Variants in MACROD2 observed in about 807,000 individuals in gnomAD.
MACROD2 encodes mono-ADP ribosylhydrolase 2.
Under a neutral mutation model 70.4 loss-of-function variants are expected in MACROD2, and 36 were observed. The ratio of observed to expected loss-of-function variants is 0.51; its 90% CI spans 0.39 to 0.68. The LOEUF is 0.68. MACROD2 is among the 30% of genes least tolerant of loss of function. The pLI is 0.00. For synonymous variants in MACROD2, 172 were observed against 178.8 expected, an observed-to-expected ratio of 0.96 and a Z score of 0.30; for missense variants, 496 against 538.4, an observed-to-expected ratio of 0.92 and a Z score of 0.78.
chr20:14,982,770 G>A (rs1029025679), intron 5 of MACROD2, among the ~76,000 whole-genome samples: 2 of 152,176 alleles, frequency 1.3e-5, no homozygotes, highest in African/African-American at 4.8e-5. Context: ...TAGGGGTGGG[G>A]TCCTCACAGA....
Position 14,387,689 on chromosome 20 carries a change from A to G in MACROD2, c.272-105790A>G, listed in dbSNP as rs192718236. ...CAAGCCATACCAAGTACATGGTCTT[A>G]TCTCCCTATGGCTGCCAGCTTGGAG... On this transcript the variant is annotated intron_variant, in intron 3 of 17. Transcript: ENST00000684519. Among the ~76,000 whole-genome samples, 3 of 152,344 alleles carry G rather than the reference A, an allele frequency of 2.0e-5. No individual in the cohort carries two copies. In the East Asian group the frequency reaches 5.8e-4, roughly 29 times the overall value.
At chr20:14,508,056 G>C (rs2084988855) in intron 4 of MACROD2, among the ~76,000 whole-genome samples, 1 of 152,108 alleles carries the variant, frequency 6.6e-6, no homozygotes. Context: ...GAAGTGATTT[G>C]AAAGGCTTTC....
chr20:14,277,109 A>G (rs747915621), intron 3 of MACROD2, among the ~76,000 whole-genome samples: 4 of 152,118 alleles, frequency 2.6e-5, no homozygotes, highest in African/African-American at 9.7e-5. Context: ...TGAGATCAGC[A>G]TGACTGACAT....
intron 5 of MACROD2, among the ~76,000 whole-genome samples, chr20:14,858,047 C>A (rs893353644): frequency 3.3e-5 from 5 of 152,136 alleles, no homozygotes; most frequent in African/African-American, 1.2e-4. Flanking sequence ...TCTCATACTC[C>A]TGATCTCAGG....
chr20:14,477,620 T>A (rs2084612269), intron 3 of MACROD2, among the ~76,000 whole-genome samples: 1 of 152,168 alleles, frequency 6.6e-6, no homozygotes, highest in African/African-American at 2.4e-5. Flanking sequence ...TTTATACTGT[T>A]TCATTTAAAA....
intron 3 of MACROD2, among the ~76,000 whole-genome samples, chr20:14,381,579 A>G: frequency 6.6e-6 from 1 of 152,196 alleles, no homozygotes; most frequent in Non-Finnish European, 1.5e-5. Context: ...TTTTACTAAC[A>G]TTATTTATCA....
At chr20:15,953,558 A>G (rs917128608) in intron 12 of MACROD2, among the ~76,000 whole-genome samples, 1 of 152,202 alleles carries the variant, frequency 6.6e-6, no homozygotes, top group Non-Finnish European at 1.5e-5. Context: ...GGAAACACGC[A>G]TACACATAAG....
intron 2 of MACROD2, among the ~76,000 whole-genome samples, chr20:14,008,446 C>T (rs560860885): frequency 6.6e-6 from 1 of 152,246 alleles, no homozygotes; most frequent in East Asian, 1.9e-4. Flanking sequence ...AGGAGACCTA[C>T]AAACCACTGC....
intron 5 of MACROD2, among the ~76,000 whole-genome samples, chr20:14,978,891 A>G (rs935335251): frequency 5.7e-4 from 2 of 3,524 alleles, no homozygotes; most frequent in African/African-American, 6.4e-4. Context: ...TAAAATATAT[A>G]TATTATATAA....
At chr20:14,379,706 C>A (rs2083404333) in intron 3 of MACROD2, among the ~76,000 whole-genome samples, 1 of 152,108 alleles carries the variant, frequency 6.6e-6, no homozygotes, top group Admixed American at 6.6e-5. Context: ...TAGGATCATA[C>A]AATATTCATT....
intron 5 of MACROD2, among the ~76,000 whole-genome samples, chr20:14,699,745 A>G (rs1490214438): frequency 6.6e-6 from 1 of 152,124 alleles, no homozygotes; most frequent in Non-Finnish European, 1.5e-5. Flanking sequence ...ATCAACTTTT[A>G]TCACAGAACT....
intron 12 of MACROD2, among the ~76,000 whole-genome samples, chr20:15,938,885 A>T (rs1055532734): frequency 2.0e-5 from 3 of 152,194 alleles, no homozygotes; most frequent in African/African-American, 7.2e-5. Flanking sequence ...AAGAAACTGA[A>T]ACAGCCTTAT....
At chr20:14,047,736 A>G (rs1472022500) in intron 2 of MACROD2, among the ~76,000 whole-genome samples, 1 of 152,184 alleles carries the variant, frequency 6.6e-6, no homozygotes, top group Non-Finnish European at 1.5e-5. Flanking sequence ...AAAGTTTGAG[A>G]CCTGTATAAT....
intron 8 of MACROD2, among the ~76,000 whole-genome samples, chr20:15,678,622 T>TA (rs1428040520): frequency 5.3e-5 from 8 of 152,066 alleles, no homozygotes; most frequent in African/African-American, 9.6e-5. Flanking sequence ...GCCCTATCTT[T>TA]AAAAAAATAA....
intron 5 of MACROD2, among the ~76,000 whole-genome samples, chr20:14,825,837 C>T (rs2072895624): frequency 6.6e-6 from 1 of 152,164 alleles, no homozygotes; most frequent in Admixed American, 6.5e-5. Context: ...TTGTGTTAAA[C>T]AGGGCTCATT....
chr20:14,228,868 G>A (rs1421482034), intron 3 of MACROD2, among the ~76,000 whole-genome samples: 3 of 151,574 alleles, frequency 2.0e-5, no homozygotes, highest in Non-Finnish European at 4.4e-5. Flanking sequence ...TTAGCTGGGT[G>A]TGGTGGCACA....
intron 3 of MACROD2, among the ~76,000 whole-genome samples, chr20:14,129,160 A>G (rs2054688170): frequency 6.6e-6 from 1 of 152,242 alleles, no homozygotes; most frequent in Non-Finnish European, 1.5e-5. Flanking sequence ...TTCTAGAGAA[A>G]AAAGTAACCA....
intron 9 of MACROD2, among the ~76,000 whole-genome samples, chr20:15,863,858 T>A (rs995721359): frequency 3.9e-5 from 6 of 152,186 alleles, no homozygotes. Context: ...GATGGTCAGC[T>A]CTCTGCTAAT....
At chr20:15,772,996 G>A (rs1568553001) in intron 8 of MACROD2, among the ~76,000 whole-genome samples, 1 of 152,054 alleles carries the variant, frequency 6.6e-6, no homozygotes, top group South Asian at 2.1e-4. Context: ...AGATTTGGGT[G>A]GGGATACAGA....
Sources: gnomAD v4.1 joint callset for allele counts (sites outside exome capture counted in the v4.1 genomes callset) on GRCh38, gnomAD v4.1.1 for gene constraint, MANE v1.5 for transcripts, NCBI Gene and HGNC (gene_info 2026-07-23, HGNC 2026-07-21) for gene names.